ATAD5: variants seen among roughly 807,000 people sequenced by gnomAD.
ATAD5 encodes ATPase family AAA domain containing 5.
Under a neutral mutation model 176.9 loss-of-function variants are expected in ATAD5, and 58 were observed. The observed-to-expected ratio is 0.33, with a 90% CI of 0.27 to 0.41. The LOEUF (loss-of-function observed/expected upper bound fraction) is 0.41, where lower values mean the gene tolerates loss of function less well. Among genes scored for constraint, ATAD5 ranks in the 10% least tolerant of loss-of-function variants. The pLI, the probability that ATAD5 is intolerant of heterozygous loss-of-function variation, is 1.00. For synonymous variants in ATAD5, 640 were observed against 712.6 expected (o/e 0.90, Z 1.62); for missense variants, 1,789 against 2,094.1 (o/e 0.85, Z 2.84).
chr17:30,858,200 A>C lies in ATAD5; in HGVS notation c.2833A>C (p.Asn945His), dbSNP rs772912875. 6.3e-7 allele frequency: 1 copy of C among 1,587,652 alleles called. No homozygotes were observed. Among genetic ancestry groups the C allele is most frequent in the Non-Finnish European group, 8.6e-7 (1 of 1,168,434 alleles). Residue 945 changes from asparagine (N) to histidine (H), a missense_variant, in exon 9 of 23, where the codon AAT (asparagine) becomes CAT (histidine). Physicochemically the swap from Asn to His is moderately conservative, Grantham distance 68. Transcript: ENST00000321990. Reference sequence around the variant, plus strand: ...GAAGGAATTTACTGAAGAAGTAAGAAATCTTTTGCTTGAGGAAATTAGGTG... The same window carrying C: ...GAAGGAATTTACTGAAGAAGTAAGACATCTTTTGCTTGAGGAAATTAGGTG... ...TRKEFTEEVR[N>H]LLLEEIRWSN...
At chr17:30,860,910 AT>A (rs535146170) in intron 10 of ATAD5, among the ~76,000 whole-genome samples, 19,382 of 143,064 alleles carry the variant, frequency 0.14, 1,323 homozygotes, top group South Asian at 0.25. Context: ...CGCCCAGATA[AT>A]TTTTTTTTTT....
At chr17:30,882,063 G>A (rs1186704797) in intron 18 of ATAD5, among the ~76,000 whole-genome samples, 1 of 151,982 alleles carries the variant, frequency 6.6e-6, no homozygotes, top group East Asian at 1.9e-4. Flanking sequence ...AGTTTGAGAT[G>A]AGCCTCAACA....
At chr17:30,837,361 A>G (rs1402336633) in intron 3 of ATAD5, 47 bp downstream of exon 3, 1 of 1,295,922 alleles carries the variant, frequency 7.7e-7, no homozygotes, top group South Asian at 1.4e-5. Flanking sequence ...CTGTTTCCTT[A>G]AAAAACAAAC....
At position 30,876,612 on chromosome 17, in the gene ATAD5, T is replaced by C. The variant is rs1908694800; in HGVS notation, c.3784+62T>C. ...TAATAATGACCCTTATACCTAAAAA[T>C]GTGAGCACATTTTACGAGTTCCTGT... On this transcript the variant is annotated intron_variant, in intron 15 of 22. Transcript: ENST00000321990. 6 of 1,043,182 alleles carry C rather than the reference T, an allele frequency of 5.8e-6. No individual in the cohort carries two copies. The South Asian group carries it at 1.3e-4, about 22-fold the overall frequency. The allele number at this position is 1,043,182 out of a possible 1,614,324, so 64.6% of individuals were successfully genotyped here.
chr17:30,853,050 C>T (rs547722045), intron 6 of ATAD5, among the ~76,000 whole-genome samples: 6 of 151,922 alleles, frequency 3.9e-5, no homozygotes, highest in African/African-American at 1.2e-4. Context: ...CCACCACAGC[C>T]AGCTAATTTT....
intron 18 of ATAD5, 32 bp downstream of exon 18, chr17:30,879,519 C>A: frequency 1.3e-6 from 2 of 1,522,472 alleles, no homozygotes; most frequent in Non-Finnish European, 1.8e-6. Flanking sequence ...CCACAAATTA[C>A]ATATCACCAT....
In ATAD5 at chr17:30,835,769, G is replaced by C; in HGVS notation, c.1688G>C (p.Arg563Thr). The C allele has an allele frequency of 6.2e-7, 1 of 1,613,468 alleles. No individual in the cohort carries two copies. Among genetic ancestry groups the C allele is most frequent in the Non-Finnish European group, 8.5e-7 (1 of 1,179,868 alleles). ...SSLCNNNKLS[R>T]KTSIPVKDIK... is the part of the protein sequence containing the mutation. ...CTGTGTAACAATAATAAATTGTCAA[G>C]AAAAACCAGCATACCAGTTAAAGAT... The change falls in exon 2 of 23, where the codon AGA (arginine) becomes ACA (threonine). Residue 563 changes from arginine to threonine, a missense_variant. This residue lies in a region of ATAD5 where 696 missense variants were observed against 712.5 expected (regional missense o/e 0.98). Coordinates refer to ENST00000321990, the MANE Select transcript of ATAD5 (RefSeq NM_024857.5).
At position 30,894,904 on chromosome 17, in the gene ATAD5, C is replaced by A. The variant is rs865998634; in HGVS notation, c.5526C>A (p.Asp1842Glu). 8.8e-6 allele frequency: 14 copies of A among 1,595,862 alleles called. No homozygotes were observed. The highest frequency in any genetic ancestry group is 1.1e-5 in the Non-Finnish European group (13 of 1,173,494). The change falls in exon 23 of 23, where the codon GAC (aspartate) becomes GAA (glutamate). Residue 1842 changes from aspartate (D) to glutamate (E), a missense_variant. By Grantham distance (45) the Asp-to-Glu change is conservative (BLOSUM62 2). This residue lies in a region of ATAD5 where 403 missense variants were observed against 495.1 expected (regional missense o/e 0.81). Transcript: ENST00000321990. ...AGACTGTGAATACTTTGGCAGCTGA[C>A]TTCCCTTAATGTTCCATACTAACAA... is the stretch of plus-strand genomic sequence containing the variant. ...PKETVNTLAA[D>E]FP
At chr17:30,860,710 A>G in intron 10 of ATAD5, 98 bp downstream of exon 10, 2 of 983,696 alleles carry the variant, frequency 2.0e-6, no homozygotes, top group Non-Finnish European at 2.8e-6. Context: ...TTTTTAAAAA[A>G]TTTTAATTCA....
At chr17:30,852,951 T>C (rs1331067446) in intron 6 of ATAD5, among the ~76,000 whole-genome samples, 1 of 151,592 alleles carries the variant, frequency 6.6e-6, no homozygotes, top group African/African-American at 2.4e-5. Context: ...TGCAATGGCA[T>C]GATCTCGACT....
rs1249631837 is a variant in ATAD5, at chr17:30,832,104, A to C, written c.-244A>C. Reference sequence around the variant, plus strand: ...CCGCTTTCGAGGGCACCCTGCATACACTGGCCGCGCCTCAGGGATCTCATT... The same window carrying C: ...CCGCTTTCGAGGGCACCCTGCATACCCTGGCCGCGCCTCAGGGATCTCATT... On this transcript the variant is annotated 5_prime_UTR_variant, in exon 1 of 23. Coordinates refer to ENST00000321990, the MANE Select transcript of ATAD5 (RefSeq NM_024857.5). The C allele has an allele frequency of 1.0e-5, 4 of 392,732 alleles. No individual in the cohort carries two copies. The highest frequency in any genetic ancestry group is 1.8e-5 in the Non-Finnish European group (4 of 222,258). 24.3% of individuals were successfully genotyped at this position (392,732 alleles called of 1,614,324 possible). A position where few individuals can be genotyped will look rare whatever the true frequency, so the allele number is the denominator to read the frequency against.
At chr17:30,877,811 GTTTGTT>G (rs2142419772) in intron 16 of ATAD5, among the ~76,000 whole-genome samples, 186 bp from the exon 17 acceptor site, 1 of 152,164 alleles carries the variant, frequency 6.6e-6, no homozygotes, top group Admixed American at 6.6e-5. Context: ...AGGTGGCTGC[GTTTGTT>G]TTTAACATTT....
At chr17:30,850,836 TATA>T (rs1906855422) in intron 6 of ATAD5, among the ~76,000 whole-genome samples, 9 of 5,262 alleles carry the variant, frequency 1.7e-3, no homozygotes, top group Non-Finnish European at 2.6e-3. Flanking sequence ...TATATTTTTA[TATA>T]TATATATATA....
At chr17:30,877,158 C>G (rs1273475673) in intron 15 of ATAD5, among the ~76,000 whole-genome samples, 1 of 152,142 alleles carries the variant, frequency 6.6e-6, no homozygotes, top group East Asian at 1.9e-4. Context: ...GCTGAGATTA[C>G]AGGTGTGTGC....
Position 30,832,299 on chromosome 17 carries a change from G to A in ATAD5, c.-49G>A. ...CCTCCATGGCCTCCAGGCAGGCCGG[G>A]CTGGACCGCGTGAGGTCCTAGGAGA... On this transcript the variant is annotated 5_prime_UTR_variant, in exon 1 of 23. Transcript: ENST00000321990. The A allele has an allele frequency of 6.8e-7, 1 of 1,473,330 alleles. No individual in the cohort carries two copies. The highest frequency in any genetic ancestry group is 9.1e-7 in the Non-Finnish European group (1 of 1,103,128). 91.3% of individuals were successfully genotyped at this position (1,473,330 alleles called of 1,614,324 possible). A position where few individuals can be genotyped will look rare whatever the true frequency, so the allele number is the denominator to read the frequency against.
chr17:30,861,832 A>T (rs1783285020), intron 10 of ATAD5: 1 of 152,016 alleles, frequency 6.6e-6, no homozygotes, highest in African/African-American at 2.4e-5. Context: ...CTTTAAAAAA[A>T]ATCTGGTATT....
intron 4 of ATAD5, 106 bp downstream of exon 4, chr17:30,840,887 T>G (rs540014606): frequency 8.9e-7 from 1 of 1,129,538 alleles, no homozygotes; most frequent in African/African-American, 1.6e-5. Flanking sequence ...TGTGATAGCT[T>G]GAAGTGGTAG....
intron 11 of ATAD5, 84 bp from the exon 12 acceptor site, chr17:30,868,249 A>G (rs1908114204): frequency 8.5e-7 from 1 of 1,169,844 alleles, no homozygotes; most frequent in Non-Finnish European, 1.1e-6. Context: ...ATATGCCATA[A>G]CTTCCCCCGA....
intron 12 of ATAD5, 79 bp from the exon 13 acceptor site, chr17:30,869,169 G>A: frequency 2.7e-6 from 4 of 1,487,918 alleles, no homozygotes; most frequent in Non-Finnish European, 3.6e-6. Context: ...AAGTTTGTGG[G>A]ATTTGATCAC....
Sources: allele counts gnomAD v4.1 joint callset (sites outside exome capture counted in the v4.1 genomes callset), GRCh38; gene constraint gnomAD v4.1.1; regional missense constraint gnomAD v4.1.1; transcripts MANE v1.5; gene names NCBI Gene and HGNC (gene_info 2026-07-23, HGNC 2026-07-21).